ADGRB3: variants seen among roughly 807,000 people sequenced by gnomAD.
ADGRB3 encodes brain-specific angiogenesis inhibitor 3.
A neutral mutation model predicts 193.4 loss-of-function variants in ADGRB3; 37 were observed. The ratio of observed to expected loss-of-function variants is 0.19; its 90% CI spans 0.15 to 0.25. The LOEUF (loss-of-function observed/expected upper bound fraction) is 0.25. ADGRB3 is among the 10% of genes least tolerant of loss of function. The pLI is 1.00. For missense variants in ADGRB3, 1,637 were observed against 1,852.9 expected (o/e 0.88, Z 2.14); for synonymous variants, 690 against 644.2 (o/e 1.07, Z -1.08).
intron 3 of ADGRB3, among the ~76,000 whole-genome samples, chr6:68,650,915 A>G (rs1247455142): frequency 1.3e-5 from 2 of 152,160 alleles, no homozygotes; most frequent in African/African-American, 4.8e-5. Flanking sequence ...TTTTTTGAAT[A>G]GGCAATGCAA....
chr6:69,128,697 C>A (rs985209023), intron 17 of ADGRB3, among the ~76,000 whole-genome samples: 1 of 152,150 alleles, frequency 6.6e-6, no homozygotes, highest in Admixed American at 6.5e-5. Flanking sequence ...TCTTCAGACT[C>A]TTTTTCAAAA....
chr6:69,122,494 A>AGG (rs1773739170), intron 17 of ADGRB3, among the ~76,000 whole-genome samples: 1 of 3,830 alleles, frequency 2.6e-4, no homozygotes, highest in Non-Finnish European at 5.3e-4. Context: ...GGGGAGGGGG[A>AGG]GGGGGAGAGG....
At chr6:69,041,056 A>G (rs1204080456) in intron 13 of ADGRB3, among the ~76,000 whole-genome samples, 1 of 151,240 alleles carries the variant, frequency 6.6e-6, no homozygotes, top group African/African-American at 2.4e-5. Flanking sequence ...AGCTGTTAGA[A>G]CTCTCTCGGG....
intron 20 of ADGRB3, among the ~76,000 whole-genome samples, chr6:69,286,255 T>C (rs976530477): frequency 1.3e-5 from 2 of 152,100 alleles, no homozygotes; most frequent in South Asian, 4.1e-4. Context: ...TTCTCATTTC[T>C]CTTGAATATT....
chr6:68,684,065 T>C (rs1234873704), intron 3 of ADGRB3, among the ~76,000 whole-genome samples: 1 of 152,212 alleles, frequency 6.6e-6, no homozygotes. Context: ...AGATTTTTTA[T>C]TAATTTTAAA....
At chr6:69,234,131 C>T (rs887246341) in intron 18 of ADGRB3, among the ~76,000 whole-genome samples, 4 of 152,130 alleles carry the variant, frequency 2.6e-5, no homozygotes, top group Non-Finnish European at 4.4e-5. Context: ...AAGCATCACT[C>T]TTCTTACTAA....
At chr6:68,689,349 G>A (rs546899837) in intron 3 of ADGRB3, among the ~76,000 whole-genome samples, 26 of 152,206 alleles carry the variant, frequency 1.7e-4, no homozygotes, top group African/African-American at 6.3e-4. Flanking sequence ...CCTGACTCTG[G>A]TTGCTGCTAA....
chr6:68,923,447 A>C (rs1313725443), intron 3 of ADGRB3, among the ~76,000 whole-genome samples: 1 of 152,044 alleles, frequency 6.6e-6, no homozygotes, highest in Non-Finnish European at 1.5e-5. Flanking sequence ...TTCATACTCC[A>C]CTTATATTTT....
At chr6:68,992,450 C>T (rs1359993465) in intron 10 of ADGRB3, among the ~76,000 whole-genome samples, 3 of 152,022 alleles carry the variant, frequency 2.0e-5, no homozygotes, top group Non-Finnish European at 2.9e-5. Flanking sequence ...TGAATAAATA[C>T]GTAAATATCA....
chr6:68,752,380 G>A (rs1219325364), intron 3 of ADGRB3, among the ~76,000 whole-genome samples: 4 of 151,092 alleles, frequency 2.6e-5, no homozygotes, highest in East Asian at 3.9e-4. Flanking sequence ...GGGTTCCAGC[G>A]ATTCTTCTGC....
intron 3 of ADGRB3, among the ~76,000 whole-genome samples, chr6:68,655,816 C>T (rs184684171): frequency 1.3e-5 from 2 of 151,652 alleles, no homozygotes; most frequent in East Asian, 3.9e-4. Flanking sequence ...CCAGGATATA[C>T]CAACCAAGAA....
chr6:69,000,222 A>G (rs997800596), intron 11 of ADGRB3, among the ~76,000 whole-genome samples: 4 of 152,214 alleles, frequency 2.6e-5, no homozygotes, highest in African/African-American at 4.8e-5. Context: ...ATAATAGTCA[A>G]TTCATTGTTT....
chr6:69,037,340 CATTT>C, intron 13 of ADGRB3, among the ~76,000 whole-genome samples: 1 of 152,250 alleles, frequency 6.6e-6, no homozygotes, highest in South Asian at 2.1e-4. Context: ...CTTGCATGAT[CATTT>C]ATTTATGAAT....
intron 17 of ADGRB3, among the ~76,000 whole-genome samples, chr6:69,146,217 G>GACCCCTCCA (rs1488899903): frequency 6.6e-6 from 1 of 152,178 alleles, no homozygotes; most frequent in Non-Finnish European, 1.5e-5. Flanking sequence ...AAAGTCTGGA[G>GACCCCTCCA]GGGTCTAAAT....
At chr6:69,126,232 C>CACATACATACAT (rs780448849) in intron 17 of ADGRB3, among the ~76,000 whole-genome samples, 121 of 138,482 alleles carry the variant, frequency 8.7e-4, no homozygotes, top group Admixed American at 2.7e-3. Context: ...AATAGATACA[C>CACATACATACAT]ACATACATAC....
At chr6:68,930,290 A>C (rs1767303352) in intron 3 of ADGRB3, among the ~76,000 whole-genome samples, 1 of 152,062 alleles carries the variant, frequency 6.6e-6, no homozygotes, top group Non-Finnish European at 1.5e-5. Context: ...AAACCTTATC[A>C]GAAAAGAGTA....
At chr6:69,385,541 T>G (rs575623117) in intron 31 of ADGRB3, among the ~76,000 whole-genome samples, 43 of 152,234 alleles carry the variant, frequency 2.8e-4, no homozygotes, top group Non-Finnish European at 5.6e-4. Flanking sequence ...ATTAGCATTT[T>G]GGGAAGCTTC....
intron 17 of ADGRB3, among the ~76,000 whole-genome samples, chr6:69,221,240 GAAT>G (rs1431232410): frequency 6.6e-6 from 1 of 152,046 alleles, no homozygotes; most frequent in African/African-American, 2.4e-5. Context: ...GTTCATAAAA[GAAT>G]ATTGCCCTTT....
chr6:68,847,912 G>A (rs1324965302), intron 3 of ADGRB3, among the ~76,000 whole-genome samples: 1 of 148,194 alleles, frequency 6.7e-6, no homozygotes. Context: ...AGGAAAGGAA[G>A]GAAAAAAAAG....
Sources: allele counts gnomAD v4.1 joint callset (sites outside exome capture counted in the v4.1 genomes callset), GRCh38; gene constraint gnomAD v4.1.1; transcripts MANE v1.5; gene names NCBI Gene and HGNC (gene_info 2026-07-23, HGNC 2026-07-21).